ARMH3: variants seen among roughly 807,000 people sequenced by gnomAD.
The protein encoded by ARMH3 is armadillo like helical domain containing 3.
Under a neutral mutation model 99.1 loss-of-function variants are expected in ARMH3, and 60 were observed. That is an observed-to-expected ratio of 0.61 (90% confidence interval 0.49 to 0.75). The LOEUF is 0.75. Ranked by LOEUF, ARMH3 falls within the 30% of genes least tolerant of loss-of-function variation. The pLI, the probability that ARMH3 is intolerant of heterozygous loss-of-function variation, is 0.00. For synonymous variants in ARMH3, 285 were observed against 292.8 expected (o/e 0.97, Z 0.27); for missense variants, 679 against 843.1 (o/e 0.81, Z 2.41).
chr10:101,917,563 T>C (rs947926247), intron 23 of ARMH3, among the ~76,000 whole-genome samples: 1 of 152,258 alleles, frequency 6.6e-6, no homozygotes, highest in African/African-American at 2.4e-5. Flanking sequence ...TAAACATTTG[T>C]CCAATCCAAG....
chr10:101,986,380 T>A (rs952896576), intron 19 of ARMH3, among the ~76,000 whole-genome samples: 1 of 151,762 alleles, frequency 6.6e-6, no homozygotes, highest in African/African-American at 2.4e-5. Flanking sequence ...AATCAAGGAG[T>A]ACAGCTAGGA....
chr10:101,877,745 C>CTTCACAGT (rs1353202045), intron 24 of ARMH3, among the ~76,000 whole-genome samples: 2 of 152,128 alleles, frequency 1.3e-5, no homozygotes, highest in African/African-American at 4.8e-5. Flanking sequence ...GCCAATGAAG[C>CTTCACAGT]TTCACAGTTG....
chr10:101,889,302 C>T lies in ARMH3; in HGVS notation c.1860+110G>A. On this transcript the variant is annotated intron_variant, in intron 24 of 25. Transcript: ENST00000370033. The stretch of plus-strand genomic sequence containing the variant: ...CACTAATTCCTCTCAGCAGCCTGGC[C>T]CTGGTCACTACCACAAAAGCTCAGT... The T allele has an allele frequency of 1.2e-5, 13 of 1,056,912 alleles. No individual in the cohort carries two copies. The South Asian group carries it at 1.6e-4, about 13-fold the overall frequency. The allele number at this position is 1,056,912 out of a possible 1,614,324, so 65.5% of individuals were successfully genotyped here. A position where few individuals can be genotyped will look rare whatever the true frequency, so the allele number is the denominator to read the frequency against.
At chr10:101,965,633 C>G (rs749506509) in intron 20 of ARMH3, among the ~76,000 whole-genome samples, 16 of 152,162 alleles carry the variant, frequency 1.1e-4, no homozygotes, top group Non-Finnish European at 1.8e-4. Context: ...AACTCTGCAC[C>G]AAGTGAAGAA....
intron 25 of ARMH3, among the ~76,000 whole-genome samples, chr10:101,848,667 T>C (rs1027506590): frequency 6.6e-6 from 1 of 152,034 alleles, no homozygotes; most frequent in Admixed American, 6.5e-5. Flanking sequence ...CAGACCCTCT[T>C]TGCTCCCCTG....
intron 24 of ARMH3, among the ~76,000 whole-genome samples, chr10:101,868,291 A>G (rs1358241824): frequency 6.6e-6 from 1 of 152,238 alleles, no homozygotes; most frequent in African/African-American, 2.4e-5. Flanking sequence ...GACAATCTGG[A>G]TGAAGGTTTC....
chr10:101,886,127 A>G (rs1278847841), intron 24 of ARMH3, among the ~76,000 whole-genome samples: 1 of 152,014 alleles, frequency 6.6e-6, no homozygotes, highest in Admixed American at 6.6e-5. Flanking sequence ...AAAAAAAAAG[A>G]GGTAAAAATG....
intron 23 of ARMH3, among the ~76,000 whole-genome samples, chr10:101,927,811 G>A (rs529700233): frequency 2.6e-5 from 4 of 152,342 alleles, no homozygotes; most frequent in East Asian, 3.9e-4. Flanking sequence ...AGTGGCTCAC[G>A]CCTATAATCC....
intron 20 of ARMH3, among the ~76,000 whole-genome samples, chr10:101,972,885 G>A (rs1845832085): frequency 6.6e-6 from 1 of 152,112 alleles, no homozygotes; most frequent in Admixed American, 6.5e-5. Flanking sequence ...GCCTTAGACT[G>A]TCATGCAATC....
chr10:101,912,783 T>C (rs1030334796), intron 23 of ARMH3, among the ~76,000 whole-genome samples: 7 of 152,236 alleles, frequency 4.6e-5, no homozygotes, highest in Non-Finnish European at 4.4e-5. Context: ...GCATTAAATA[T>C]GACAGCTTGT....
At chr10:102,031,775 T>G (rs992870482) in intron 4 of ARMH3, among the ~76,000 whole-genome samples, 11 of 152,232 alleles carry the variant, frequency 7.2e-5, no homozygotes, top group Non-Finnish European at 1.6e-4. Context: ...AGTCTCGCTC[T>G]GTCGCCCAGG....
At position 101,859,767 on chromosome 10, in the gene ARMH3, T is replaced by C. The variant is rs564755602; in HGVS notation, c.1861-9875A>G. On this transcript the variant is annotated intron_variant, in intron 24 of 25. Coordinates refer to ENST00000370033, the MANE Select transcript of ARMH3 (RefSeq NM_024541.3). ...GCCATTTTTAGCACTTGTTTGCATA[T>C]AGCAACCAAAAGAGTTGTATCTCAG... Among the ~76,000 whole-genome samples the C allele has an allele frequency of 5.9e-5, 9 of 152,310 alleles. No homozygotes were observed. The South Asian group carries it at 1.2e-3, about 21-fold the overall frequency.
chr10:101,962,213 T>C (rs914850573), intron 20 of ARMH3, among the ~76,000 whole-genome samples: 4 of 152,186 alleles, frequency 2.6e-5, no homozygotes, highest in African/African-American at 9.7e-5. Context: ...AGCTTGGTAG[T>C]TGAGACTTTC....
At chr10:101,890,206 GAGAGACAA>G (rs1564724940) in intron 23 of ARMH3, among the ~76,000 whole-genome samples, 1 of 150,994 alleles carries the variant, frequency 6.6e-6, no homozygotes, top group Non-Finnish European at 1.5e-5. Context: ...GATTCATAGA[GAGAGACAA>G]ATCTCTTTTT....
chr10:101,944,271 TATAGAGAGAGAGAGAGAGAGAGAG>T (rs1383484793), intron 22 of ARMH3, among the ~76,000 whole-genome samples: 45 of 40,012 alleles, frequency 1.1e-3, no homozygotes, highest in East Asian at 1.8e-3. Flanking sequence ...TATATATATA[TATAGAGAGAGAGAGAGAGAGAGAG>T]AGAGAGAGAG....
At chr10:101,943,218 A>T (rs1844321647) in intron 22 of ARMH3, among the ~76,000 whole-genome samples, 2 of 152,216 alleles carry the variant, frequency 1.3e-5, no homozygotes, top group Admixed American at 1.3e-4. Flanking sequence ...AGCTCTGCAG[A>T]TCCCTTACAT....
intron 19 of ARMH3, among the ~76,000 whole-genome samples, chr10:101,985,115 GTACA>G (rs1846416265): frequency 7.8e-6 from 1 of 127,896 alleles, no homozygotes; most frequent in African/African-American, 2.9e-5. Flanking sequence ...ACACACACGT[GTACA>G]TATATATACA....
chr10:101,883,470 G>T (rs2135418171), intron 24 of ARMH3, among the ~76,000 whole-genome samples: 1 of 152,182 alleles, frequency 6.6e-6, no homozygotes, highest in East Asian at 1.9e-4. Context: ...AAGAGTGTCA[G>T]ATAGGATGGG....
chr10:101,948,554 T>C (rs868710658), intron 22 of ARMH3, among the ~76,000 whole-genome samples: 1 of 152,054 alleles, frequency 6.6e-6, no homozygotes, highest in Non-Finnish European at 1.5e-5. Context: ...TGCCAAGATA[T>C]AATAATCCTA....
Sources: allele counts gnomAD v4.1 joint callset (sites outside exome capture counted in the v4.1 genomes callset), GRCh38; gene constraint gnomAD v4.1.1; transcripts MANE v1.5; gene names NCBI Gene and HGNC (gene_info 2026-07-23, HGNC 2026-07-21).